PCDHGB7: variants seen among roughly 807,000 people sequenced by gnomAD.
PCDHGB7 encodes the protein protocadherin gamma-B7.
A neutral mutation model predicts 61.4 loss-of-function variants in PCDHGB7; 37 were observed. That is an observed-to-expected ratio of 0.60 (90% CI 0.46 to 0.79). The LOEUF (loss-of-function observed/expected upper bound fraction) is 0.79, where lower values mean the gene tolerates loss of function less well. PCDHGB7 is among the 30% of genes least tolerant of loss of function. The probability of loss-of-function intolerance (pLI) is 0.00; values close to 1 mark genes in which losing one functional copy is unlikely to be tolerated. For synonymous variants in PCDHGB7, 464 were observed against 503.5 expected (o/e 0.92, Z 1.05); for missense variants, 1,166 against 1,202.5 (o/e 0.97, Z 0.45).
chr5:141,470,869 T>C (rs1215083835), intron 1 of PCDHGB7, among the ~76,000 whole-genome samples: 1 of 151,910 alleles, frequency 6.6e-6, no homozygotes, highest in African/African-American at 2.4e-5. Context: ...TTTGTTTGTT[T>C]GTTTTTTTGT....
At chr5:141,465,852 G>A (rs1250863307) in intron 1 of PCDHGB7, among the ~76,000 whole-genome samples, 1 of 151,996 alleles carries the variant, frequency 6.6e-6, no homozygotes, top group East Asian at 1.9e-4. Context: ...GCTGGGCCCA[G>A]TGGCTCATGC....
Position 141,418,614 on chromosome 5 carries a change from G to A in PCDHGB7, c.755G>A (p.Arg252Gln), listed in dbSNP as rs777074200. ...FSQDVYRVSLREDVPPGTSIL... is the reference protein window; with the variant it reads ...FSQDVYRVSLQEDVPPGTSIL... ...CAGGACGTGTACAGGGTTAGCCTTC[G>A]GGAAGACGTGCCTCCAGGCACCTCC... is the stretch of plus-strand genomic sequence containing the variant. The change falls in exon 1 of 4, where the codon CGG becomes CAG. Residue 252 changes from arginine (R) to glutamine (Q), a missense_variant. Transcript: ENST00000398594. The A allele has an allele frequency of 5.0e-6, 8 of 1,613,876 alleles. No homozygotes were observed. In the East Asian group the frequency reaches 1.1e-4, roughly 22 times the overall value.
intron 1 of PCDHGB7, chr5:141,475,927 G>A: frequency 1.6e-6 from 1 of 628,480 alleles, no homozygotes; most frequent in South Asian, 2.1e-5. Flanking sequence ...CTGGAGATCG[G>A]GCCCCTGCCC....
At chr5:141,449,407 G>A (rs1367837385) in intron 1 of PCDHGB7, among the ~76,000 whole-genome samples, 2 of 151,754 alleles carry the variant, frequency 1.3e-5, no homozygotes, top group Non-Finnish European at 2.9e-5. Flanking sequence ...AGGAGTTCAA[G>A]ACCAGCCTGG....
chr5:141,488,014 C>T (rs2099670661), intron 1 of PCDHGB7, among the ~76,000 whole-genome samples: 1 of 152,120 alleles, frequency 6.6e-6, no homozygotes, highest in South Asian at 2.1e-4. Context: ...TCTGAAGTAC[C>T]TTAACTCTAG....
intron 1 of PCDHGB7, chr5:141,421,770 G>A: frequency 6.2e-7 from 1 of 1,613,856 alleles, no homozygotes; most frequent in Non-Finnish European, 8.5e-7. Context: ...ACTTTTCCTT[G>A]CAACTGCGGG....
rs560134083 is a variant in PCDHGB7, at chr5:141,419,197, T to A, written c.1338T>A (p.Asn446Lys). The change falls in exon 1 of 4, where the codon AAT becomes AAA. Residue 446 changes from asparagine to lysine, a missense_variant. Transcript: ENST00000398594. ...KTITLHITDV[N>K]DNAPVFGQSA... ...TAACCCTGCACATTACTGACGTCAA[T>A]GACAACGCGCCGGTTTTCGGACAGT... 1 of 1,613,966 alleles carries A rather than the reference T, an allele frequency of 6.2e-7. No individual in the cohort carries two copies. Among genetic ancestry groups the A allele is most frequent in the East Asian group, 2.2e-5 (1 of 44,886 alleles).
chr5:141,437,074 A>G (rs1455066447), intron 1 of PCDHGB7, among the ~76,000 whole-genome samples: 1 of 152,250 alleles, frequency 6.6e-6, no homozygotes, highest in Non-Finnish European at 1.5e-5. Flanking sequence ...GGTTTGGGCC[A>G]TATAAGAATT....
chr5:141,431,111 G>A lies in PCDHGB7; in HGVS notation c.2415+10837G>A, dbSNP rs2097343539. The A allele has an allele frequency of 1.9e-6, 3 of 1,614,110 alleles. No individual in the cohort carries two copies. Among genetic ancestry groups the A allele is most frequent in the Non-Finnish European group, 2.5e-6 (3 of 1,180,034 alleles). On this transcript the variant is annotated intron_variant, in intron 1 of 3. Coordinates refer to ENST00000398594, the MANE Select transcript of PCDHGB7 (RefSeq NM_018927.4). This position sits in a 1 kb window ranked among gnomAD's most constrained non-coding sequence, Gnocchi z 4.8. ...GATGGAGGATAAAGTGAAAATATAT[G>A]GAGTAGAAGTAGAAGTAAGGGACAT...
intron 1 of PCDHGB7, among the ~76,000 whole-genome samples, chr5:141,437,505 A>G (rs1429147239): frequency 6.6e-6 from 1 of 152,204 alleles, no homozygotes; most frequent in Non-Finnish European, 1.5e-5. Context: ...TTTTCAATGA[A>G]TTATAAGGCT....
chr5:141,463,018 T>C (rs1318740358), intron 1 of PCDHGB7, among the ~76,000 whole-genome samples: 1 of 152,212 alleles, frequency 6.6e-6, no homozygotes, highest in Admixed American at 6.5e-5. Flanking sequence ...AATTCTGACT[T>C]TTTTGATTAA....
chr5:141,428,679 TGGATGA>T (rs1231732563), intron 1 of PCDHGB7: 1 of 163,254 alleles, frequency 6.1e-6, no homozygotes, highest in Non-Finnish European at 1.3e-5. Flanking sequence ...CATTTACAAA[TGGATGA>T]GGTTTAATTT....
Position 141,432,029 on chromosome 5 carries a change from G to A in PCDHGB7, c.2415+11755G>A. 6.2e-7 allele frequency: 1 copy of A among 1,614,178 alleles called. No individual in the cohort carries two copies. Among genetic ancestry groups the A allele is most frequent in the South Asian group, 1.1e-5 (1 of 91,086 alleles). ...TCCTAGCTACAACATCACAGTGACC[G>A]CCACTGACCGGGGAACCCCGCCCCT... On this transcript the variant is annotated intron_variant, in intron 1 of 3. Coordinates refer to ENST00000398594, the MANE Select transcript of PCDHGB7 (RefSeq NM_018927.4). This position sits in a 1 kb window ranked among gnomAD's most constrained non-coding sequence, Gnocchi z 6.0.
At chr5:141,502,953 C>G (rs145774277) in intron 2 of PCDHGB7, among the ~76,000 whole-genome samples, 1,594 of 147,762 alleles carry the variant, frequency 0.011, 24 homozygotes, top group African/African-American at 0.037. Context: ...AAGCGATTCT[C>G]CTGCCTCAGC....
rs372067603 is a variant in PCDHGB7 at position 141,418,248 on chromosome 5, C to G, written c.389C>G (p.Ala130Gly). 6.2e-7 allele frequency: 1 copy of G among 1,614,000 alleles called. No individual in the cohort carries two copies. Among genetic ancestry groups the G allele is most frequent in the Admixed American group, 1.7e-5 (1 of 60,020 alleles). Residue 130 changes from alanine (A) to glycine (G), a missense_variant, in exon 1 of 4, where the codon GCC becomes GGC. Physicochemically the swap from Ala to Gly is moderately conservative, Grantham distance 60. Transcript: ENST00000398594. ...GTGATTGAGGATGTTAATGACCACG[C>G]CCCTCAATTCCGGAAAGATGAAATA... is the stretch of plus-strand genomic sequence containing the variant. Reference protein sequence around the residue: ...IVVIEDVNDHAPQFRKDEINL... With the variant: ...IVVIEDVNDHGPQFRKDEINL...
intron 3 of PCDHGB7, among the ~76,000 whole-genome samples, chr5:141,506,190 C>T (rs1313145580): frequency 6.6e-6 from 1 of 152,180 alleles, no homozygotes; most frequent in Non-Finnish European, 1.5e-5. Flanking sequence ...GTGGCTCACG[C>T]CTGTAATCCC....
intron 1 of PCDHGB7, among the ~76,000 whole-genome samples, chr5:141,484,796 C>A (rs987893041): frequency 1.3e-5 from 2 of 151,304 alleles, no homozygotes; most frequent in African/African-American, 4.9e-5. Flanking sequence ...GATAACAACC[C>A]GTGGAAAAAC....
At chr5:141,429,486 A>C (rs2097218130) in intron 1 of PCDHGB7, among the ~76,000 whole-genome samples, 1 of 152,114 alleles carries the variant, frequency 6.6e-6, no homozygotes, top group Non-Finnish European at 1.5e-5. Context: ...AGTAGCTGAG[A>C]CTACAGTTGC....
chr5:141,433,289 G>A, intron 1 of PCDHGB7: 1 of 1,130,682 alleles, frequency 8.8e-7, no homozygotes, highest in Non-Finnish European at 1.3e-6. Flanking sequence ...AAACTCCTAG[G>A]CTCAAGCAAT....
Sources: allele counts gnomAD v4.1 joint callset (sites outside exome capture counted in the v4.1 genomes callset), GRCh38; gene constraint gnomAD v4.1.1; non-coding constraint Gnocchi (gnomAD v3.1); transcripts MANE v1.5; gene names NCBI Gene and HGNC (gene_info 2026-07-23, HGNC 2026-07-21).